The following KCNJ6 variants were observed in gnomAD, a reference collection of about 807,000 sequenced individuals.
The protein encoded by KCNJ6 is potassium inwardly rectifying channel subfamily J member 6, also known as G protein-activated inward rectifier potassium channel 2.
A neutral mutation model predicts 34.2 loss-of-function variants in KCNJ6; 9 were observed. The ratio of observed to expected loss-of-function variants is 0.26; its 90% CI spans 0.16 to 0.46. The LOEUF (loss-of-function observed/expected upper bound fraction) is 0.46. KCNJ6 is among the 20% of genes least tolerant of loss of function. The pLI is 1.00. For synonymous variants in KCNJ6, 196 were observed against 207.1 expected (o/e 0.95, Z 0.46); for missense variants, 236 against 531.3 (o/e 0.44, Z 5.46).
chr21:37,826,422 G>C (rs2055399188), intron 2 of KCNJ6, among the ~76,000 whole-genome samples: 1 of 152,120 alleles, frequency 6.6e-6, no homozygotes, highest in African/African-American at 2.4e-5. Flanking sequence ...GGAGTCTGCA[G>C]GTGTGCCTCT....
intron 2 of KCNJ6, among the ~76,000 whole-genome samples, chr21:37,828,919 C>T (rs1185152992): frequency 6.6e-6 from 1 of 152,236 alleles, no homozygotes; most frequent in Non-Finnish European, 1.5e-5. Context: ...GCATCTCTTC[C>T]AAATGGCCAT....
rs944672893 is a variant in KCNJ6 at position 37,616,576 on chromosome 21, A to G, written c.*8583T>C. On this transcript the variant is annotated 3_prime_UTR_variant, in exon 4 of 4. Coordinates refer to ENST00000609713, the MANE Select transcript of KCNJ6 (RefSeq NM_002240.5). ...TAGACTCTCTGGGCAATTATGAAGC[A>G]GGAACAAAATGTACATATATATATA... The G allele has an allele frequency of 2.8e-4, 18 of 64,980 alleles. 1 individual carries two copies. Among genetic ancestry groups the G allele is most frequent in the African/African-American group, 1.3e-3 (18 of 14,086 alleles). 4.0% of individuals were successfully genotyped at this position (64,980 alleles called of 1,614,324 possible). A position where few individuals can be genotyped will look rare whatever the true frequency, so the allele number is the denominator to read the frequency against.
At chr21:37,777,036 G>A (rs2055145993) in intron 2 of KCNJ6, among the ~76,000 whole-genome samples, 1 of 152,096 alleles carries the variant, frequency 6.6e-6, no homozygotes, top group South Asian at 2.1e-4. Flanking sequence ...GCCTGTTATT[G>A]GTCTATTCAG....
rs56736533 is a variant in KCNJ6 at position 37,879,714 on chromosome 21, A to AGTGTGT, written c.-28+36164_-28+36169dup. ...AAACTCAATGTCTGCCTTGAAATGA[A>AGTGTGT]GTGTGTGTGTGTGTGTGTGTGTGTG... On this transcript the variant is annotated intron_variant, in intron 1 of 3. Coordinates refer to ENST00000609713, the MANE Select transcript of KCNJ6 (RefSeq NM_002240.5). Among the ~76,000 whole-genome samples the AGTGTGT allele has an allele frequency of 7.8e-3, 1,125 of 143,352 alleles. 10 individuals are homozygous for AGTGTGT. The highest frequency in any genetic ancestry group is 0.023 in the African/African-American group (887 of 38,126). The allele number at this position is 143,352 out of a possible 152,430, so 94.0% of individuals were successfully genotyped here.
At chr21:37,634,391 C>T (rs904830207) in intron 3 of KCNJ6, among the ~76,000 whole-genome samples, 2 of 152,206 alleles carry the variant, frequency 1.3e-5, no homozygotes, top group Non-Finnish European at 2.9e-5. Flanking sequence ...CTGAAGCCCT[C>T]ACCAGAGGCC....
At chr21:37,660,309 C>T (rs968185417) in intron 3 of KCNJ6, among the ~76,000 whole-genome samples, 3 of 152,208 alleles carry the variant, frequency 2.0e-5, no homozygotes, top group African/African-American at 4.8e-5. Context: ...GACAAAGGGG[C>T]GAGAGATAAG....
intron 2 of KCNJ6, among the ~76,000 whole-genome samples, chr21:37,776,839 G>A (rs1321875769): frequency 2.0e-5 from 3 of 152,168 alleles, no homozygotes; most frequent in African/African-American, 7.2e-5. Flanking sequence ...CCAGGCTTTG[G>A]TATCAGGATG....
intron 3 of KCNJ6, among the ~76,000 whole-genome samples, chr21:37,632,751 G>A (rs144055159): frequency 1.0e-3 from 153 of 152,050 alleles, no homozygotes; most frequent in Non-Finnish European, 1.5e-3. Context: ...AGACGAAATG[G>A]ACAATTTTCT....
intron 2 of KCNJ6, among the ~76,000 whole-genome samples, chr21:37,830,285 C>T (rs995790346): frequency 3.3e-5 from 5 of 152,134 alleles, no homozygotes; most frequent in Non-Finnish European, 7.3e-5. Context: ...GAGGCCGTAG[C>T]CTGGAGACCA....
At chr21:37,766,246 T>C (rs1238221285) in intron 2 of KCNJ6, among the ~76,000 whole-genome samples, 2 of 152,198 alleles carry the variant, frequency 1.3e-5, no homozygotes, top group Non-Finnish European at 2.9e-5. Context: ...GTAGGATGCC[T>C]GTCCTGTCAT....
chr21:37,849,104 C>T (rs1439421399), intron 1 of KCNJ6, among the ~76,000 whole-genome samples: 1 of 152,172 alleles, frequency 6.6e-6, no homozygotes, highest in Non-Finnish European at 1.5e-5. Context: ...CTGAGGATGT[C>T]CAGGTAACTG....
chr21:37,860,864 C>T (rs923196416), intron 1 of KCNJ6, among the ~76,000 whole-genome samples: 6 of 120,530 alleles, frequency 5.0e-5, no homozygotes, highest in Non-Finnish European at 1.1e-4. Context: ...TTGTAGCTTT[C>T]GTCTTCATTG....
chr21:37,712,285 G>T (rs1252301076), intron 3 of KCNJ6, among the ~76,000 whole-genome samples: 2 of 152,146 alleles, frequency 1.3e-5, no homozygotes, highest in African/African-American at 4.8e-5. Flanking sequence ...AAAGGGAAAA[G>T]AAAAACTGCA....
intron 2 of KCNJ6, among the ~76,000 whole-genome samples, chr21:37,755,989 T>C (rs1025044256): frequency 2.0e-5 from 3 of 152,226 alleles, no homozygotes; most frequent in Non-Finnish European, 2.9e-5. Context: ...AGAAGAAAAA[T>C]CAACACCAAA....
At chr21:37,638,098 A>G (rs988338930) in intron 3 of KCNJ6, among the ~76,000 whole-genome samples, 1 of 152,146 alleles carries the variant, frequency 6.6e-6, no homozygotes, top group Admixed American at 6.5e-5. Context: ...CAACCACAAC[A>G]CTATTATTTC....
chr21:37,770,636 A>G (rs528713965), intron 2 of KCNJ6, among the ~76,000 whole-genome samples: 3 of 152,300 alleles, frequency 2.0e-5, no homozygotes, highest in Non-Finnish European at 4.4e-5. Flanking sequence ...CCTTTCAAGA[A>G]TGAGGTTTGG....
chr21:37,712,630 C>CT (rs1286842229), intron 3 of KCNJ6, among the ~76,000 whole-genome samples: 2 of 84,288 alleles, frequency 2.4e-5, no homozygotes, highest in Admixed American at 1.1e-4. Context: ...CCTCCTCTTC[C>CT]CTCCCTCCTC....
chr21:37,915,747 A>C (rs1382262770), intron 1 of KCNJ6, 137 bp downstream of exon 1: 1 of 152,218 alleles, frequency 6.6e-6, no homozygotes, highest in Non-Finnish European at 1.5e-5. Flanking sequence ...ACTTGGGCAC[A>C]ATGTTTCTCA....
chr21:37,739,913 GA>G (rs56660401), intron 2 of KCNJ6, among the ~76,000 whole-genome samples: 107 of 147,686 alleles, frequency 7.2e-4, no homozygotes, highest in African/African-American at 1.9e-3. Flanking sequence ...CTTTAGGTTT[GA>G]AAAAAAAAAA....
Sources: allele counts gnomAD v4.1 joint callset (sites outside exome capture counted in the v4.1 genomes callset), GRCh38; gene constraint gnomAD v4.1.1; transcripts MANE v1.5; gene names NCBI Gene and HGNC (gene_info 2026-07-23, HGNC 2026-07-21).